Variants in MRTFB observed in about 807,000 individuals in gnomAD.
MRTFB encodes myocardin-related transcription factor B.
In MRTFB, 29 loss-of-function variants were observed where a neutral mutation model predicts 104.2. The observed-to-expected ratio is 0.28, with a 90% CI of 0.21 to 0.38. The LOEUF is 0.38. Among genes scored for constraint, MRTFB ranks in the 10% least tolerant of loss-of-function variants. The pLI, the probability that MRTFB is intolerant of heterozygous loss-of-function variation, is 1.00. For synonymous variants in MRTFB, 535 were observed against 519.5 expected, an observed-to-expected ratio of 1.03 and a Z score of -0.41; for missense variants, 1,270 against 1,341.6, an observed-to-expected ratio of 0.95 and a Z score of 0.83.
At chr16:14,171,560 AAAACC>A (rs2039424183) in intron 3 of MRTFB, among the ~76,000 whole-genome samples, 3 of 152,148 alleles carry the variant, frequency 2.0e-5, no homozygotes, top group Non-Finnish European at 4.4e-5. Flanking sequence ...GTATATATTA[AAAACC>A]AGATATCCTT....
chr16:14,150,676 T>A (rs2038570166), intron 3 of MRTFB, among the ~76,000 whole-genome samples: 1 of 152,058 alleles, frequency 6.6e-6, no homozygotes, highest in Admixed American at 6.6e-5. Flanking sequence ...TCATAAGAAA[T>A]AAAATAAAGG....
chr16:14,121,733 C>A (rs958425576), intron 2 of MRTFB, among the ~76,000 whole-genome samples: 1 of 152,034 alleles, frequency 6.6e-6, no homozygotes, highest in Non-Finnish European at 1.5e-5. Context: ...AAATTTGACG[C>A]AATACCAAAG....
chr16:14,138,697 T>G (rs2037846379), intron 2 of MRTFB, among the ~76,000 whole-genome samples: 1 of 152,212 alleles, frequency 6.6e-6, no homozygotes, highest in Non-Finnish European at 1.5e-5. Context: ...TGGAGCACAG[T>G]GCATACACCT....
chr16:14,017,519 G>C, the MRTFB span, among the ~76,000 whole-genome samples: 2 of 146,538 alleles, frequency 1.4e-5, no homozygotes, highest in Admixed American at 1.4e-4. Flanking sequence ...AATGTAAATT[G>C]TGTTTGTTCG....
At chr16:14,224,098 C>T (rs759317820) in intron 8 of MRTFB, among the ~76,000 whole-genome samples, 3 of 152,104 alleles carry the variant, frequency 2.0e-5, no homozygotes, top group Non-Finnish European at 2.9e-5. Context: ...AGAGAGCGAG[C>T]GAGCACAGGG....
At position 14,205,318 on chromosome 16, in the gene MRTFB, A is replaced by G. The variant is rs1410078371; in HGVS notation, c.155-4925A>G. Reference sequence around the variant, plus strand: ...AGGCTAGTTAGGAAAGATGGGATACATACAGTAAGTAAATGGATTTATAAC... The same window carrying G: ...AGGCTAGTTAGGAAAGATGGGATACGTACAGTAAGTAAATGGATTTATAAC... On this transcript the variant is annotated intron_variant, in intron 3 of 16. Transcript: ENST00000571589. Among the ~76,000 whole-genome samples, 6 of 152,186 alleles carry G rather than the reference A, an allele frequency of 3.9e-5. No homozygotes were observed. The East Asian group carries it at 1.2e-3, about 29-fold the overall frequency.
chr16:14,200,425 T>C lies in MRTFB; in HGVS notation c.155-9818T>C, dbSNP rs2040638844. ...TGTTTGATGCGGAAGAGGAGACGAC[T>C]AATAGACCAAGAAAAGTCAAAATCA... On this transcript the variant is annotated intron_variant, in intron 3 of 16. Coordinates refer to ENST00000571589, the MANE Select transcript of MRTFB (RefSeq NM_001308142.2). The C allele has an allele frequency of 6.8e-6, 11 of 1,608,752 alleles. No homozygotes were observed. In the South Asian group the frequency reaches 1.2e-4, roughly 18 times the overall value.
chr16:14,038,203 C>T, the MRTFB span, among the ~76,000 whole-genome samples: 212 of 152,200 alleles, frequency 1.4e-3, no homozygotes, highest in Non-Finnish European at 2.7e-3. Context: ...CATGGTCTTC[C>T]CTCTGTGTGT....
At chr16:14,101,446 C>T (rs765165965) in intron 2 of MRTFB, among the ~76,000 whole-genome samples, 1 of 152,124 alleles carries the variant, frequency 6.6e-6, no homozygotes, top group Non-Finnish European at 1.5e-5. Flanking sequence ...TCAGACCAAA[C>T]CCAAATTATT....
intron 2 of MRTFB, among the ~76,000 whole-genome samples, chr16:14,106,729 A>G (rs1320631794): frequency 1.3e-5 from 2 of 152,226 alleles, no homozygotes; most frequent in Admixed American, 6.5e-5. Flanking sequence ...AACATTTCCC[A>G]TGCTTGCTGG....
chr16:14,061,566 CTTTTTTTT>C, the MRTFB span, among the ~76,000 whole-genome samples: 5 of 102,630 alleles, frequency 4.9e-5, no homozygotes, highest in Non-Finnish European at 9.8e-5. Flanking sequence ...TCAAGGTCAT[CTTTTTTTT>C]TTTTTTTTTT....
At chr16:14,101,244 T>G (rs1779334792) in intron 2 of MRTFB, among the ~76,000 whole-genome samples, 1 of 151,828 alleles carries the variant, frequency 6.6e-6, no homozygotes, top group Admixed American at 6.6e-5. Context: ...CTCAGAGAAG[T>G]TAAGACACAA....
chr16:14,031,424 C>T, the MRTFB span, among the ~76,000 whole-genome samples: 1 of 150,972 alleles, frequency 6.6e-6, no homozygotes, highest in Non-Finnish European at 1.5e-5. Context: ...GTCAAAGTTT[C>T]ACAAACTTTG....
chr16:14,160,426 G>A (rs1310343554), intron 3 of MRTFB, among the ~76,000 whole-genome samples: 1 of 152,160 alleles, frequency 6.6e-6, no homozygotes, highest in East Asian at 1.9e-4. Flanking sequence ...CCCATTGTTG[G>A]TGAGATTAAG....
chr16:13,997,600 C>G, the MRTFB span, among the ~76,000 whole-genome samples: 2 of 151,300 alleles, frequency 1.3e-5, no homozygotes, highest in Non-Finnish European at 2.9e-5. Context: ...TTCAAACCAG[C>G]CTGGGTAACA....
intron 3 of MRTFB, among the ~76,000 whole-genome samples, chr16:14,162,334 CCT>C (rs1374167314): frequency 6.6e-6 from 1 of 150,728 alleles, no homozygotes; most frequent in Non-Finnish European, 1.5e-5. Context: ...CCTGTTTCCC[CCT>C]CTCTTTCCCC....
At chr16:14,237,265 C>T (rs2042559022) in intron 9 of MRTFB, among the ~76,000 whole-genome samples, 1 of 152,184 alleles carries the variant, frequency 6.6e-6, no homozygotes, top group South Asian at 2.1e-4. Context: ...TCTTGGGAAC[C>T]TCCAACATTT....
Position 14,140,586 on chromosome 16 carries a change from G to A in MRTFB, c.-21G>A, listed in dbSNP as rs748340508. On this transcript the variant is annotated 5_prime_UTR_variant, in exon 3 of 17. Transcript: ENST00000571589. ...GTTTAAGAGGCGTCTTACACTCCCT[G>A]TTGCCAGTGGCTGGAACACAATGGA... 1.2e-6 allele frequency: 2 copies of A among 1,613,772 alleles called. No homozygotes were observed. Among genetic ancestry groups the A allele is most frequent in the African/African-American group, 1.3e-5 (1 of 74,898 alleles).
intron 8 of MRTFB, among the ~76,000 whole-genome samples, chr16:14,227,684 G>A (rs944227216): frequency 6.6e-6 from 1 of 151,920 alleles, no homozygotes; most frequent in Non-Finnish European, 1.5e-5. Flanking sequence ...GCTAATTTTT[G>A]TATTTTTAGT....
Sources: gnomAD v4.1 joint callset for allele counts (sites outside exome capture counted in the v4.1 genomes callset) on GRCh38, gnomAD v4.1.1 for gene constraint, MANE v1.5 for transcripts, NCBI Gene and HGNC (gene_info 2026-07-23, HGNC 2026-07-21) for gene names.